Variants in FGF14 observed in about 807,000 individuals in gnomAD.
The protein encoded by FGF14 is fibroblast growth factor 14.
A neutral mutation model predicts 25.5 loss-of-function variants in FGF14; 5 were observed. That is an observed-to-expected ratio of 0.20 (90% CI 0.10 to 0.41). The LOEUF is 0.41. Ranked by LOEUF, FGF14 falls within the 10% of genes least tolerant of loss-of-function variation. FGF14 has a pLI of 1.00. For synonymous variants in FGF14, 138 were observed against 118.3 expected, an observed-to-expected ratio of 1.17 and a Z score of -1.08; for missense variants, 222 against 320.1, an observed-to-expected ratio of 0.69 and a Z score of 2.34.
chr13:101,837,779 A>G (rs1038749861), intron 3 of FGF14, among the ~76,000 whole-genome samples: 7 of 152,036 alleles, frequency 4.6e-5, no homozygotes, highest in African/African-American at 1.2e-4. Flanking sequence ...TATTGTGTCA[A>G]CTTGATTGGA....
chr13:102,118,709 AC>A (rs750149769), intron 1 of FGF14, among the ~76,000 whole-genome samples: 48 of 152,316 alleles, frequency 3.2e-4, no homozygotes, highest in Middle Eastern at 3.4e-3. Flanking sequence ...ATGTATATAT[AC>A]TTCAAAATAT....
At chr13:101,879,991 T>C (rs890462508) in intron 1 of FGF14, among the ~76,000 whole-genome samples, 2 of 152,170 alleles carry the variant, frequency 1.3e-5, no homozygotes, top group African/African-American at 2.4e-5. Context: ...AGGAAAATGA[T>C]AGATAAAATT....
intron 1 of FGF14, among the ~76,000 whole-genome samples, chr13:102,401,042 A>T (rs1171608122): frequency 6.6e-6 from 1 of 152,072 alleles, no homozygotes; most frequent in East Asian, 1.9e-4. Context: ...CTAATCAGAA[A>T]GTCTAGAGCA....
At chr13:101,728,800 TCGGGTGTCTCTGCC>T in intron 3 of FGF14, among the ~76,000 whole-genome samples, 1 of 152,196 alleles carries the variant, frequency 6.6e-6, no homozygotes, top group Middle Eastern at 3.4e-3. Flanking sequence ...CTCCTGGGCT[TCGGGTGTCTCTGCC>T]CAGAACCTGG....
intron 1 of FGF14, among the ~76,000 whole-genome samples, chr13:102,205,737 CA>C (rs56911320): frequency 1.2e-3 from 156 of 133,744 alleles, no homozygotes; most frequent in Admixed American, 3.9e-3. Flanking sequence ...GGTTGAGAGA[CA>C]AAAAAAAAAA....
intron 3 of FGF14, among the ~76,000 whole-genome samples, chr13:101,840,681 A>G (rs2043153452): frequency 2.0e-5 from 3 of 152,014 alleles, no homozygotes; most frequent in African/African-American, 7.2e-5. Flanking sequence ...TATTTTGTGC[A>G]TGTATATCAA....
At chr13:102,226,268 C>T (rs920131639) in intron 1 of FGF14, among the ~76,000 whole-genome samples, 1 of 152,140 alleles carries the variant, frequency 6.6e-6, no homozygotes, top group African/African-American at 2.4e-5. Context: ...TTCCATGCCT[C>T]AGTTTCCTCC....
At chr13:102,005,559 C>G (rs991049902) in intron 1 of FGF14, among the ~76,000 whole-genome samples, 2 of 152,110 alleles carry the variant, frequency 1.3e-5, no homozygotes, top group Admixed American at 6.5e-5. Context: ...CACATCAGCA[C>G]AAGCAAATAT....
intron 1 of FGF14, among the ~76,000 whole-genome samples, chr13:102,186,212 T>C (rs1177835147): frequency 6.6e-6 from 1 of 152,188 alleles, no homozygotes; most frequent in Non-Finnish European, 1.5e-5. Context: ...AAGCGCAGCA[T>C]TTCCCTAGGT....
intron 1 of FGF14, among the ~76,000 whole-genome samples, chr13:102,282,429 T>A (rs1259305591): frequency 6.6e-6 from 1 of 152,206 alleles, no homozygotes. Flanking sequence ...TTCATCTGTC[T>A]TAATGTCAGT....
rs2053625320 is a variant in FGF14 at position 102,277,894 on chromosome 13, CATT to C, written c.208+123574_208+123576del. On this transcript the variant is annotated intron_variant, in intron 1 of 4. Transcript: ENST00000376131. The stretch of plus-strand genomic sequence containing the variant: ...ACATCCTTAATATCACCATCCAAGT[CATT>C]ATTACCTGTATTGGACTGCAAATTT... 1.3e-5 allele frequency among the ~76,000 whole-genome samples: 2 copies of C among 152,196 alleles called. 1 individual carries two copies. The highest frequency in any genetic ancestry group is 4.1e-4 in the South Asian group (2 of 4,834).
At chr13:102,386,126 T>C (rs533152342) in intron 1 of FGF14, among the ~76,000 whole-genome samples, 43 of 151,612 alleles carry the variant, frequency 2.8e-4, no homozygotes, top group Non-Finnish European at 6.0e-4. Flanking sequence ...CAACAAAATA[T>C]ACAGTAATTT....
At chr13:102,372,840 G>C (rs146607403) in intron 1 of FGF14, among the ~76,000 whole-genome samples, 1 of 151,968 alleles carries the variant, frequency 6.6e-6, no homozygotes. Flanking sequence ...ACAACGCAGG[G>C]GCTACTGTGA....
chr13:102,156,120 A>G (rs1305160553), intron 1 of FGF14, among the ~76,000 whole-genome samples: 1 of 152,206 alleles, frequency 6.6e-6, no homozygotes, highest in African/African-American at 2.4e-5. Flanking sequence ...AACTATTCCA[A>G]TCAACAGAAA....
intron 1 of FGF14, among the ~76,000 whole-genome samples, chr13:102,327,705 A>G (rs1468030902): frequency 6.6e-6 from 1 of 151,842 alleles, no homozygotes; most frequent in Non-Finnish European, 1.5e-5. Flanking sequence ...TAGGCATGGT[A>G]GTGCATGCCC....
intron 3 of FGF14, among the ~76,000 whole-genome samples, chr13:101,806,965 C>A (rs1401957036): frequency 6.6e-6 from 1 of 151,992 alleles, no homozygotes; most frequent in Non-Finnish European, 1.5e-5. Flanking sequence ...GGAATAAAAT[C>A]TCCTTATAAC....
intron 1 of FGF14, among the ~76,000 whole-genome samples, chr13:102,160,822 A>C (rs928718340): frequency 1.3e-5 from 2 of 152,234 alleles, no homozygotes; most frequent in Admixed American, 1.3e-4. Flanking sequence ...GCAAAAAAAA[A>C]CAGTGCTTAT....
intron 1 of FGF14, among the ~76,000 whole-genome samples, chr13:102,209,688 C>A (rs2050083381): frequency 6.6e-6 from 1 of 152,126 alleles, no homozygotes; most frequent in Non-Finnish European, 1.5e-5. Flanking sequence ...ACCATAGTAT[C>A]CCTACAAAGG....
At position 101,799,614 on chromosome 13, in the gene FGF14, G is replaced by A. The variant is rs528134025; in HGVS notation, c.408+69111C>T. Among the ~76,000 whole-genome samples, 4 of 152,044 alleles carry A rather than the reference G, an allele frequency of 2.6e-5. No individual in the cohort carries two copies. The East Asian group carries it at 7.7e-4, about 29-fold the overall frequency. On this transcript the variant is annotated intron_variant, in intron 3 of 4. Transcript: ENST00000376143. ...AAATTGATAAATATATAGTATGCAC[G>A]TATTAGTCTGCAATAGTCATTACTG...
Sources: allele counts gnomAD v4.1 joint callset (sites outside exome capture counted in the v4.1 genomes callset), GRCh38; gene constraint gnomAD v4.1.1; transcripts MANE v1.5; gene names NCBI Gene and HGNC (gene_info 2026-07-23, HGNC 2026-07-21).